Variants in TMEM131 observed in about 807,000 individuals in gnomAD.
The protein encoded by TMEM131 is 2610524E03Rik.
TMEM131 carries 66 observed loss-of-function variants against 211.6 expected under a neutral mutation model. That is an observed-to-expected ratio of 0.31 (90% CI 0.26 to 0.38). The LOEUF (loss-of-function observed/expected upper bound fraction) is 0.38. Ranked by LOEUF, TMEM131 falls within the 10% of genes least tolerant of loss-of-function variation. TMEM131 has a pLI of 1.00. For missense variants in TMEM131, 2,036 were observed against 2,299.3 expected, an observed-to-expected ratio of 0.89 and a Z score of 2.34; for synonymous variants, 844 against 841.3, an observed-to-expected ratio of 1.00 and a Z score of -0.06.
chr2:97,962,360 C>T (rs1467354037), intron 1 of TMEM131, among the ~76,000 whole-genome samples: 6 of 152,014 alleles, frequency 3.9e-5, no homozygotes, highest in African/African-American at 1.2e-4. Flanking sequence ...AAAAATTAGC[C>T]GGGCGTGGTG....
At chr2:97,811,256 A>G (rs1284150399) in intron 17 of TMEM131, 24 bp from the exon 18 acceptor site, 1 of 1,563,740 alleles carries the variant, frequency 6.4e-7, no homozygotes. Flanking sequence ...AAATGGTATC[A>G]TTCATTAGCC....
chr2:97,790,882 A>G (rs1207192195), intron 31 of TMEM131, among the ~76,000 whole-genome samples: 1 of 152,246 alleles, frequency 6.6e-6, no homozygotes, highest in Non-Finnish European at 1.5e-5. Flanking sequence ...GAATGCGTGT[A>G]ATTCCAAGAG....
intron 1 of TMEM131, among the ~76,000 whole-genome samples, chr2:97,959,087 C>T (rs1195664160): frequency 6.6e-6 from 1 of 152,094 alleles, no homozygotes; most frequent in East Asian, 1.9e-4. Context: ...ACTGGTAAGT[C>T]TTGAGACAGG....
intron 40 of TMEM131, 32 bp downstream of exon 40, chr2:97,758,861 T>TCCAGGCCCCAGCCCCAGCC: frequency 6.3e-7 from 1 of 1,581,190 alleles, no homozygotes; most frequent in African/African-American, 1.3e-5. Flanking sequence ...GTGGGCCAGG[T>TCCAGGCCCCAGCCCCAGCC]CCAGGCCCCA....
At chr2:97,980,058 CA>C (rs1283315860) in intron 1 of TMEM131, among the ~76,000 whole-genome samples, 1 of 152,122 alleles carries the variant, frequency 6.6e-6, no homozygotes, top group East Asian at 1.9e-4. Context: ...GGGGAACAGC[CA>C]GTTGGAGCAG....
At chr2:97,940,304 T>C (rs757662162) in intron 1 of TMEM131, among the ~76,000 whole-genome samples, 14 of 152,316 alleles carry the variant, frequency 9.2e-5, no homozygotes, top group Non-Finnish European at 1.8e-4. Context: ...CTCAAGCTGA[T>C]AAGCAACTTC....
intron 1 of TMEM131, among the ~76,000 whole-genome samples, chr2:97,993,130 T>G (rs138516379): frequency 2.0e-5 from 3 of 152,364 alleles, no homozygotes; most frequent in Admixed American, 1.3e-4. Context: ...TTTAAAGATT[T>G]TGCAGTGAAA....
intron 33 of TMEM131, 63 bp from the exon 34 acceptor site, chr2:97,766,665 T>C: frequency 6.3e-7 from 1 of 1,580,990 alleles, no homozygotes; most frequent in South Asian, 1.1e-5. Flanking sequence ...ACAGAAGTCA[T>C]TAAGATTGTA....
intron 11 of TMEM131, among the ~76,000 whole-genome samples, chr2:97,826,698 GAGAA>G (rs1448217019): frequency 6.6e-6 from 1 of 152,088 alleles, no homozygotes; most frequent in Non-Finnish European, 1.5e-5. Context: ...AGAAGTCAAA[GAGAA>G]AGAAAAAGAA....
chr2:97,894,056 T>C (rs1298558007), intron 3 of TMEM131, among the ~76,000 whole-genome samples: 1 of 152,244 alleles, frequency 6.6e-6, no homozygotes, highest in Non-Finnish European at 1.5e-5. Flanking sequence ...AATTTTTGTA[T>C]AAGGTATAAC....
chr2:97,944,068 A>G (rs1339701245), intron 1 of TMEM131, among the ~76,000 whole-genome samples: 5 of 152,136 alleles, frequency 3.3e-5, no homozygotes, highest in African/African-American at 4.8e-5. Flanking sequence ...GCGACAGAGC[A>G]AGACTCAGAC....
At chr2:97,783,821 G>T (rs1178239743) in intron 31 of TMEM131, among the ~76,000 whole-genome samples, 1 of 151,864 alleles carries the variant, frequency 6.6e-6, no homozygotes, top group Non-Finnish European at 1.5e-5. Context: ...TGGCAGACTG[G>T]ATTAAAAATC....
At chr2:97,981,028 CAAAAAAAAA>C (rs57606185) in intron 1 of TMEM131, among the ~76,000 whole-genome samples, 1,188 of 37,962 alleles carry the variant, frequency 0.031, 31 homozygotes, top group East Asian at 0.2. Context: ...AACTACACAC[CAAAAAAAAA>C]AAAAAAAAAA....
In TMEM131 at chr2:97,844,199, AT is replaced by A; in HGVS notation, c.545del (p.Asn182MetfsTer2). ...DVVFLARVVG[N>X]VENTLFINTS... ...TATTAATAAATAAAGTATTTTCTAC[AT>A]TTCCTACTACTCTTGCAAGAAAAAC... On this transcript the variant is annotated frameshift_variant, in exon 6 of 41. Transcript: ENST00000186436. LOFTEE classifies it high-confidence loss of function. 1 of 1,333,732 alleles carries A rather than the reference AT, an allele frequency of 7.5e-7. No homozygotes were observed. Among genetic ancestry groups the A allele is most frequent in the Admixed American group, 3.0e-5 (1 of 32,968 alleles). 82.6% of individuals were successfully genotyped at this position (1,333,732 alleles called of 1,614,324 possible). A position where few individuals can be genotyped will look rare whatever the true frequency, so the allele number is the denominator to read the frequency against.
chr2:97,928,137 T>C (rs562088669), intron 1 of TMEM131, among the ~76,000 whole-genome samples: 1 of 152,336 alleles, frequency 6.6e-6, no homozygotes, highest in South Asian at 2.1e-4. Context: ...GCTTTATTCA[T>C]AATCACCAAA....
At chr2:97,951,679 G>C (rs1306553599) in intron 1 of TMEM131, among the ~76,000 whole-genome samples, 1 of 152,046 alleles carries the variant, frequency 6.6e-6, no homozygotes, top group Admixed American at 6.6e-5. Context: ...ACTCCAGTCT[G>C]GGATACACGG....
At chr2:97,865,705 A>T (rs1051884817) in intron 4 of TMEM131, among the ~76,000 whole-genome samples, 1 of 152,180 alleles carries the variant, frequency 6.6e-6, no homozygotes, top group Non-Finnish European at 1.5e-5. Flanking sequence ...ATTTTCTTGT[A>T]GTGTCTTTGT....
rs1678184972 is a variant in TMEM131, at chr2:97,949,142, A to AC, written c.188-21656_188-21655insG. 2.6e-5 allele frequency among the ~76,000 whole-genome samples: 4 copies of AC among 152,308 alleles called. No individual in the cohort carries two copies. In the South Asian group the frequency reaches 8.3e-4, roughly 32 times the overall value. Reference sequence around the variant, plus strand: ...CATTCCCATCAACGGGTGGGTGGATAAACAAATTGTGATACAGCAACACAG... The same window carrying AC: ...CATTCCCATCAACGGGTGGGTGGATACAACAAATTGTGATACAGCAACACAG... On this transcript the variant is annotated intron_variant, in intron 1 of 40. Coordinates refer to ENST00000186436, the MANE Select transcript of TMEM131 (RefSeq NM_015348.2).
At chr2:97,840,985 A>G (rs369064160) in intron 7 of TMEM131, among the ~76,000 whole-genome samples, 2 of 152,328 alleles carry the variant, frequency 1.3e-5, no homozygotes, top group East Asian at 3.9e-4. Context: ...GACAACAGCC[A>G]TTTTAGTTGC....
Sources: allele counts gnomAD v4.1 joint callset (sites outside exome capture counted in the v4.1 genomes callset), GRCh38; gene constraint gnomAD v4.1.1; transcripts MANE v1.5; gene names NCBI Gene and HGNC (gene_info 2026-07-23, HGNC 2026-07-21).